Variants in NCKIPSD observed in about 807,000 individuals in gnomAD.
The protein encoded by NCKIPSD is NCK-interacting protein with SH3 domain.
A neutral mutation model predicts 73.4 loss-of-function variants in NCKIPSD; 48 were observed. That is an observed-to-expected ratio of 0.65 (90% CI 0.52 to 0.83). The LOEUF is 0.83. Among genes scored for constraint, NCKIPSD ranks in the 40% least tolerant of loss-of-function variants. The probability of loss-of-function intolerance (pLI) is 0.00; values close to 1 mark genes in which losing one functional copy is unlikely to be tolerated. For synonymous variants in NCKIPSD, 422 were observed against 403.6 expected (o/e 1.05, Z -0.54); for missense variants, 884 against 970.2 (o/e 0.91, Z 1.18).
At chr3:48,685,288 G>C (rs1281999151) in intron 1 of NCKIPSD, among the ~76,000 whole-genome samples, 1 of 151,766 alleles carries the variant, frequency 6.6e-6, no homozygotes, top group East Asian at 1.9e-4. Flanking sequence ...TGGGGTCTCA[G>C]GGATTTGAAT....
chr3:48,678,599 C>G lies in NCKIPSD; in HGVS notation c.1930G>C (p.Val644Leu). 1 of 1,614,010 alleles carries G rather than the reference C, an allele frequency of 6.2e-7. No individual in the cohort carries two copies. Among genetic ancestry groups the G allele is most frequent in the East Asian group, 2.2e-5 (1 of 44,890 alleles). The change falls in exon 12 of 13, where the codon GTG (valine) becomes CTG (leucine). Residue 644 changes from valine to leucine, a missense_variant. Coordinates refer to ENST00000294129, the MANE Select transcript of NCKIPSD (RefSeq NM_016453.4). Reference sequence around the variant, plus strand: ...GGTGACAGGTCTGCGATGTGCCGCACAGTGATGTCAATGAGAGCCATCATG... The same window carrying G: ...GGTGACAGGTCTGCGATGTGCCGCAGAGTGATGTCAATGAGAGCCATCATG... Reference protein sequence around the residue: ...TDMMALIDITVRHIADLSPGD... With the variant: ...TDMMALIDITLRHIADLSPGD...
intron 2 of NCKIPSD, 139 bp downstream of exon 2, chr3:48,682,764 C>T (rs953230761): frequency 3.6e-5 from 47 of 1,316,446 alleles, no homozygotes; most frequent in Non-Finnish European, 5.2e-6. Context: ...CCCCACCTTG[C>T]TCACTGGGAG....
At chr3:48,675,576 C>A (rs2106743147) in intron 12 of NCKIPSD, among the ~76,000 whole-genome samples, 1 of 144,136 alleles carries the variant, frequency 6.9e-6, no homozygotes, top group East Asian at 2.0e-4. Context: ...GGGTCTCGTG[C>A]TGTCACCCAG....
intron 1 of NCKIPSD, among the ~76,000 whole-genome samples, chr3:48,684,019 C>CACACACACACAGAGAG (rs563262573): frequency 1.4e-5 from 2 of 141,258 alleles, no homozygotes; most frequent in African/African-American, 5.6e-5. Context: ...CACACACACA[C>CACACACACACAGAGAG]AGAGAGAGAG....
At position 48,681,618 on chromosome 3, in the gene NCKIPSD, G is replaced by A; in HGVS notation, c.761C>T (p.Thr254Ile). Reference sequence around the variant, plus strand: ...GGGAGGGGGCTGGACTTGGGACACGGTGGTGTGGGTGCCTCGGCGGGGCAC... The same window carrying A: ...GGGAGGGGGCTGGACTTGGGACACGATGGTGTGGGTGCCTCGGCGGGGCAC... ...PPVPRRGTHT[T>I]VSQVQPPPSK... is the part of the protein sequence containing the mutation. The change falls in exon 5 of 13, where the codon ACC becomes ATC. Residue 254 changes from threonine to isoleucine, a missense_variant. Coordinates refer to ENST00000294129, the MANE Select transcript of NCKIPSD (RefSeq NM_016453.4). 1 of 1,613,962 alleles carries A rather than the reference G, an allele frequency of 6.2e-7. No individual in the cohort carries two copies. The highest frequency in any genetic ancestry group is 1.7e-4 in the Middle Eastern group (1 of 6,058).
chr3:48,683,235 T>C (rs1444598236), intron 1 of NCKIPSD, among the ~76,000 whole-genome samples: 6 of 152,162 alleles, frequency 3.9e-5, no homozygotes, highest in African/African-American at 1.4e-4. Context: ...CATTACATAT[T>C]AGGTCCTGAT....
chr3:48,682,396 G>C lies in NCKIPSD; in HGVS notation c.438C>G (p.His146Gln), dbSNP rs561455784. The change falls in exon 3 of 13, where the codon CAC (histidine) becomes CAG (glutamine). Residue 146 changes from histidine (H) to glutamine (Q), a missense_variant. Physicochemically the swap from His to Gln is conservative, Grantham distance 24. Transcript: ENST00000294129. ...CAAGATGCTCAGAACTGGGTAGGCT[G>C]TGCTGCCGCTCGAACCCAGCTCGAC... ...GVCRAGFERQ[H>Q]SLPSSEHLGA... is the part of the protein sequence containing the mutation. The C allele has an allele frequency of 6.4e-5, 104 of 1,614,166 alleles. 2 individuals are homozygous for C. The South Asian group carries it at 1.0e-3, about 16-fold the overall frequency.
chr3:48,680,003 C>A, intron 6 of NCKIPSD, 56 bp downstream of exon 6: 11 of 1,603,262 alleles, frequency 6.9e-6, no homozygotes, highest in Non-Finnish European at 8.5e-6. Flanking sequence ...AGGGATGCTA[C>A]AGGGTGGGGG....
intron 3 of NCKIPSD, 69 bp from the exon 4 acceptor site, chr3:48,682,225 A>C: frequency 5.7e-6 from 9 of 1,566,138 alleles, no homozygotes; most frequent in Non-Finnish European, 7.8e-6. Flanking sequence ...TCGGGCCCTG[A>C]GCCCTGGCTG....
Position 48,674,735 on chromosome 3 carries a change from A to G in NCKIPSD, c.1978T>C (p.Tyr660His). 6.2e-7 allele frequency: 1 copy of G among 1,613,740 alleles called. No individual in the cohort carries two copies. Among genetic ancestry groups the G allele is most frequent in the Non-Finnish European group, 8.5e-7 (1 of 1,179,870 alleles). Reference sequence around the variant, plus strand: ...ACTATAGCATGCATCAGGGAGAGGTACTCCATGCGCAGCTGTGGGAAGAGC... The same window carrying G: ...ACTATAGCATGCATCAGGGAGAGGTGCTCCATGCGCAGCTGTGGGAAGAGC... ...LSPGDKLRME[Y>H]LSLMHAIVRT... Residue 660 changes from tyrosine (Y) to histidine (H), a missense_variant, in exon 13 of 13, where the codon TAC becomes CAC. Physicochemically the swap from Tyr to His is moderately conservative, Grantham distance 83. Coordinates refer to ENST00000294129, the MANE Select transcript of NCKIPSD (RefSeq NM_016453.4).
intron 12 of NCKIPSD, 58 bp from the exon 13 acceptor site, chr3:48,674,805 A>C: frequency 6.4e-7 from 1 of 1,565,354 alleles, no homozygotes; most frequent in Non-Finnish European, 8.7e-7. Context: ...CCACCACTGG[A>C]CAGGGACAGG....
chr3:48,685,883 G>C lies in NCKIPSD; in HGVS notation c.-76C>G, dbSNP rs948225652. 1 of 1,302,728 alleles carries C rather than the reference G, an allele frequency of 7.7e-7. No homozygotes were observed. Among genetic ancestry groups the C allele is most frequent in the Non-Finnish European group, 9.8e-7 (1 of 1,018,416 alleles). The allele number at this position is 1,302,728 out of a possible 1,614,324, so 80.7% of individuals were successfully genotyped here. The stretch of plus-strand genomic sequence containing the variant: ...AACGCCAGGCCGGGAGCGCCGAGCC[G>C]CGCCGCGGTTGTCCCGCCCCGTGAC... On this transcript the variant is annotated 5_prime_UTR_variant, in exon 1 of 13. Transcript: ENST00000294129.
In NCKIPSD at chr3:48,683,979, G is replaced by GACACACAC. The variant is rs545029045; in HGVS notation, c.172-975_172-968dup. The stretch of plus-strand genomic sequence containing the variant: ...AGACAGGGGGATAGAAAGACATGAA[G>GACACACAC]ACACACACACACACACACACACACA... On this transcript the variant is annotated intron_variant, in intron 1 of 12. Coordinates refer to ENST00000294129, the MANE Select transcript of NCKIPSD (RefSeq NM_016453.4). 3.6e-3 allele frequency among the ~76,000 whole-genome samples: 473 copies of GACACACAC among 131,172 alleles called. 5 individuals are homozygous for GACACACAC. The highest frequency in any genetic ancestry group is 0.018 in the Middle Eastern group (5 of 280). The allele number at this position is 131,172 out of a possible 152,430, so 86.1% of individuals were successfully genotyped here. A position where few individuals can be genotyped will look rare whatever the true frequency, so the allele number is the denominator to read the frequency against.
Position 48,685,858 on chromosome 3 carries a change from A to G in NCKIPSD, c.-51T>C, listed in dbSNP as rs750776968. On this transcript the variant is annotated 5_prime_UTR_variant, in exon 1 of 13. Coordinates refer to ENST00000294129, the MANE Select transcript of NCKIPSD (RefSeq NM_016453.4). ...AAGGTGGCAAGGGCTGCGGCGCCAC[A>G]ACGCCAGGCCGGGAGCGCCGAGCCG... The G allele has an allele frequency of 2.1e-5, 28 of 1,354,402 alleles. No individual in the cohort carries two copies. The highest frequency in any genetic ancestry group is 2.3e-5 in the Non-Finnish European group (24 of 1,056,384). The allele number at this position is 1,354,402 out of a possible 1,614,324, so 83.9% of individuals were successfully genotyped here. A position where few individuals can be genotyped will look rare whatever the true frequency, so the allele number is the denominator to read the frequency against.
Position 48,682,392 on chromosome 3 carries a change from G to T in NCKIPSD, c.442C>A (p.Leu148Ile). The T allele has an allele frequency of 6.2e-7, 1 of 1,614,148 alleles. No individual in the cohort carries two copies. The highest frequency in any genetic ancestry group is 8.5e-7 in the Non-Finnish European group (1 of 1,180,014). Residue 148 changes from leucine (L) to isoleucine (I), a missense_variant, in exon 3 of 13, where the codon CTA (leucine) becomes ATA (isoleucine). Coordinates refer to ENST00000294129, the MANE Select transcript of NCKIPSD (RefSeq NM_016453.4). ...CRAGFERQHSLPSSEHLGADG... is the reference protein window; with the variant it reads ...CRAGFERQHSIPSSEHLGADG... ...GCCCCAAGATGCTCAGAACTGGGTA[G>T]GCTGTGCTGCCGCTCGAACCCAGCT...
In NCKIPSD at chr3:48,677,400, A is replaced by G. The variant is rs541588769; in HGVS notation, c.1965+1164T>C. Among the ~76,000 whole-genome samples the G allele has an allele frequency of 5.3e-5, 8 of 151,530 alleles. No homozygotes were observed. The South Asian group carries it at 1.7e-3, about 32-fold the overall frequency. ...GAGACAAACAAACAAACAAACAACA[A>G]CAACAAAAAACCCCCAAAAAAACAC... On this transcript the variant is annotated intron_variant, in intron 12 of 12. Coordinates refer to ENST00000294129, the MANE Select transcript of NCKIPSD (RefSeq NM_016453.4).
chr3:48,680,324 TA>T, intron 5 of NCKIPSD, 95 bp from the exon 6 acceptor site: 2 of 1,357,830 alleles, frequency 1.5e-6, no homozygotes, highest in Non-Finnish European at 2.0e-6. Context: ...TGTGGACTTT[TA>T]CTCCATGAAC....
chr3:48,682,957 TTG>T lies in NCKIPSD; in HGVS notation c.225_226del (p.His75GlnfsTer48). ...CTTGCCACCATCCCGCATGGCTGTG[TTG>T]TGTACAGCCTCGATGGCCCGGTCAA... On this transcript the variant is annotated frameshift_variant, in exon 2 of 13. Coordinates refer to ENST00000294129, the MANE Select transcript of NCKIPSD (RefSeq NM_016453.4). LOFTEE classifies it high-confidence loss of function. The T allele has an allele frequency of 6.4e-7, 1 of 1,552,922 alleles. No homozygotes were observed. The highest frequency in any genetic ancestry group is 8.7e-7 in the Non-Finnish European group (1 of 1,148,296).
chr3:48,683,067 C>T, intron 1 of NCKIPSD, 55 bp from the exon 2 acceptor site: 2 of 1,543,144 alleles, frequency 1.3e-6, no homozygotes, highest in Non-Finnish European at 1.7e-6. Context: ...AGGTGCTCAG[C>T]CCAGGCCCAG....
Sources: allele counts gnomAD v4.1 joint callset (sites outside exome capture counted in the v4.1 genomes callset), GRCh38; gene constraint gnomAD v4.1.1; transcripts MANE v1.5; gene names NCBI Gene and HGNC (gene_info 2026-07-23, HGNC 2026-07-21).